Variants in NCAM1 observed in about 807,000 individuals in gnomAD.
NCAM1 encodes antigen recognized by monoclonal antibody 5.1H11.
In NCAM1, 14 loss-of-function variants were observed where a neutral mutation model predicts 109.8. The observed-to-expected ratio is 0.13, with a 90% CI of 0.08 to 0.20. NCAM1 has a LOEUF of 0.20. Ranked by LOEUF, NCAM1 falls within the 10% of genes least tolerant of loss-of-function variation. The pLI is 1.00. For missense variants in NCAM1, 774 were observed against 1,109.9 expected, an observed-to-expected ratio of 0.70 and a Z score of 4.30; for synonymous variants, 418 against 442.9, an observed-to-expected ratio of 0.94 and a Z score of 0.70.
intron 14 of NCAM1, among the ~76,000 whole-genome samples, chr11:113,241,112 T>G (rs2137372371): frequency 6.6e-6 from 1 of 152,312 alleles, no homozygotes. Flanking sequence ...GGGCCAGCCC[T>G]GTCCTCAGGA....
chr11:113,262,745 G>A (rs782237599), intron 17 of NCAM1: 105 of 1,293,086 alleles, frequency 8.1e-5, no homozygotes, highest in African/African-American at 1.3e-4. Context: ...TGTGTCTGTC[G>A]TCACACTTGT....
intron 17 of NCAM1, among the ~76,000 whole-genome samples, chr11:113,262,478 A>C (rs938485217): frequency 4.6e-5 from 7 of 152,096 alleles, no homozygotes; most frequent in Non-Finnish European, 2.9e-5. Context: ...CTCTCACTTT[A>C]ATTTCATTTG....
chr11:113,073,252 C>T (rs1378018325), intron 1 of NCAM1, among the ~76,000 whole-genome samples: 1 of 151,558 alleles, frequency 6.6e-6, no homozygotes. Flanking sequence ...TTATACTATT[C>T]TTTTTTTCTC....
intron 1 of NCAM1, among the ~76,000 whole-genome samples, chr11:113,086,679 T>TA (rs1555088375): frequency 1.3e-5 from 2 of 152,198 alleles, no homozygotes; most frequent in African/African-American, 2.4e-5. Context: ...TTTGCCATGT[T>TA]ACTTTGCACC....
intron 1 of NCAM1, among the ~76,000 whole-genome samples, chr11:113,164,340 A>G (rs919322414): frequency 8.5e-5 from 13 of 152,226 alleles, no homozygotes; most frequent in African/African-American, 2.7e-4. Context: ...GCAATTCTCC[A>G]GTGAACACCA....
chr11:113,124,440 A>ACCT (rs1941095854), intron 1 of NCAM1, among the ~76,000 whole-genome samples: 1 of 152,072 alleles, frequency 6.6e-6, no homozygotes. Context: ...ACAGATCTCC[A>ACCT]CCTCTCTTTT....
intron 8 of NCAM1, among the ~76,000 whole-genome samples, chr11:113,218,916 C>A (rs187803823): frequency 1.3e-5 from 2 of 152,216 alleles, no homozygotes; most frequent in Admixed American, 1.3e-4. Context: ...TGTTATTTCA[C>A]TACTCATCCT....
chr11:112,975,324 C>T (rs373550914), intron 1 of NCAM1, among the ~76,000 whole-genome samples: 1 of 152,140 alleles, frequency 6.6e-6, no homozygotes, highest in South Asian at 2.1e-4. Context: ...CCACTAGAAA[C>T]ATTGACTTAA....
intron 1 of NCAM1, among the ~76,000 whole-genome samples, chr11:113,169,318 A>T (rs7125499): frequency 0.012 from 1,795 of 152,248 alleles, 24 homozygotes; most frequent in African/African-American, 0.041. Flanking sequence ...ACTCTCCCCA[A>T]TGTAAAATCA....
At position 113,045,844 on chromosome 11, in the gene NCAM1, G is replaced by GGT. The variant is rs782181783; in HGVS notation, c.52+84180_52+84181insGT. ...AGGAAATTTTTCTTTGGATAAAAGA[G>GGT]TTTTTTTTTTTTCTTAAATTGGCTT... On this transcript the variant is annotated intron_variant, in intron 1 of 19. Coordinates refer to ENST00000316851, the MANE Select transcript of NCAM1 (RefSeq NM_181351.5). Among the ~76,000 whole-genome samples the GGT allele has an allele frequency of 8.3e-4, 120 of 143,762 alleles. 1 individual carries two copies. Among genetic ancestry groups the GGT allele is most frequent in the African/African-American group, 3.0e-3 (114 of 37,498 alleles). The allele number at this position is 143,762 out of a possible 152,430, so 94.3% of individuals were successfully genotyped here.
At chr11:113,266,438 C>A (rs1946135135) in intron 17 of NCAM1, among the ~76,000 whole-genome samples, 1 of 152,198 alleles carries the variant, frequency 6.6e-6, no homozygotes, top group East Asian at 1.9e-4. Context: ...TCTTGATCCA[C>A]TCAATACCTT....
intron 9 of NCAM1, among the ~76,000 whole-genome samples, chr11:113,224,547 G>A (rs1306525482): frequency 1.3e-5 from 2 of 152,240 alleles, no homozygotes; most frequent in African/African-American, 4.8e-5. Context: ...AACCTCTGCA[G>A]ACTTAAATGT....
Position 113,273,023 on chromosome 11 carries a change from T to C in NCAM1, c.2456+1147T>C, listed in dbSNP as rs1458042910. ...ACTCTGACACTATCACCGAAACCTTTGCCACTGCTCAGAACAGCCCCACCA... is the reference window on the plus strand; with the variant it reads ...ACTCTGACACTATCACCGAAACCTTCGCCACTGCTCAGAACAGCCCCACCA... On this transcript the variant is annotated intron_variant, in intron 19 of 19. Coordinates refer to ENST00000316851, the MANE Select transcript of NCAM1 (RefSeq NM_181351.5). This position sits in a 1 kb window ranked among gnomAD's most constrained non-coding sequence, Gnocchi z 6.0. 1 of 456,668 alleles carries C rather than the reference T, an allele frequency of 2.2e-6. No homozygotes were observed. Among genetic ancestry groups the C allele is most frequent in the Non-Finnish European group, 4.4e-6 (1 of 226,956 alleles). The allele number at this position is 456,668 out of a possible 1,614,324, so 28.3% of individuals were successfully genotyped here.
intron 1 of NCAM1, among the ~76,000 whole-genome samples, chr11:113,003,261 A>C (rs530102248): frequency 6.6e-6 from 1 of 152,356 alleles, no homozygotes; most frequent in South Asian, 2.1e-4. Flanking sequence ...AGGTCTCTCC[A>C]TATCAGAAGA....
At chr11:113,136,333 T>A (rs1941594735) in intron 1 of NCAM1, among the ~76,000 whole-genome samples, 1 of 152,048 alleles carries the variant, frequency 6.6e-6, no homozygotes, top group African/African-American at 2.4e-5. Flanking sequence ...ATAAATGAGT[T>A]ATGGGAGGGG....
chr11:113,168,302 GT>G (rs1157922859), intron 1 of NCAM1, among the ~76,000 whole-genome samples: 1 of 152,020 alleles, frequency 6.6e-6, no homozygotes, highest in East Asian at 1.9e-4. Context: ...TTTTGTTTTT[GT>G]TTTTTTGCCC....
At chr11:113,057,243 A>C (rs1368777630) in intron 1 of NCAM1, among the ~76,000 whole-genome samples, 1 of 152,126 alleles carries the variant, frequency 6.6e-6, no homozygotes, top group African/African-American at 2.4e-5. Flanking sequence ...GAGGTGTGAG[A>C]GGATGCAGAA....
chr11:113,151,663 C>T (rs1942227551), intron 1 of NCAM1, among the ~76,000 whole-genome samples: 2 of 152,180 alleles, frequency 1.3e-5, no homozygotes, highest in Non-Finnish European at 2.9e-5. Context: ...CTCTTTTTTC[C>T]TGCTCTTCCG....
intron 1 of NCAM1, among the ~76,000 whole-genome samples, chr11:113,061,018 C>T (rs1480634568): frequency 6.6e-6 from 1 of 152,008 alleles, no homozygotes; most frequent in Admixed American, 6.6e-5. Flanking sequence ...ATCTCCAGAA[C>T]TTATGTATCT....
Sources: allele counts gnomAD v4.1 joint callset (sites outside exome capture counted in the v4.1 genomes callset), GRCh38; gene constraint gnomAD v4.1.1; non-coding constraint Gnocchi (gnomAD v3.1); transcripts MANE v1.5; gene names NCBI Gene and HGNC (gene_info 2026-07-23, HGNC 2026-07-21).